Variants in GPC5 observed in about 807,000 individuals in gnomAD.
GPC5 encodes the protein glypican-5.
A neutral mutation model predicts 53.9 loss-of-function variants in GPC5; 47 were observed. The observed-to-expected ratio is 0.87, with a 90% CI of 0.69 to 1.11. GPC5 has a LOEUF of 1.11. Among genes scored for constraint, GPC5 ranks in the 50% most tolerant of loss-of-function variants. The probability of loss-of-function intolerance (pLI) is 0.00; values close to 1 mark genes in which losing one functional copy is unlikely to be tolerated. For missense variants in GPC5, 748 were observed against 713.1 expected (o/e 1.05, Z -0.56); for synonymous variants, 286 against 263.3 (o/e 1.09, Z -0.84).
intron 7 of GPC5, among the ~76,000 whole-genome samples, chr13:92,257,897 T>C (rs2042739216): frequency 6.6e-6 from 1 of 152,234 alleles, no homozygotes; most frequent in South Asian, 2.1e-4. Context: ...AACTCATGAA[T>C]GAAGTGAACT....
chr13:91,883,352 A>C (rs1175789522), intron 5 of GPC5, among the ~76,000 whole-genome samples: 17 of 152,236 alleles, frequency 1.1e-4, no homozygotes, highest in Non-Finnish European at 2.5e-4. Flanking sequence ...TGATTGTAGC[A>C]GTCACAAGCA....
chr13:91,929,157 A>G (rs576933784), intron 6 of GPC5, among the ~76,000 whole-genome samples: 1 of 152,074 alleles, frequency 6.6e-6, no homozygotes, highest in Non-Finnish European at 1.5e-5. Context: ...ATAATTTTAA[A>G]TATTATTCTT....
intron 2 of GPC5, among the ~76,000 whole-genome samples, chr13:91,615,194 C>T (rs533746903): frequency 3.2e-4 from 49 of 152,094 alleles, no homozygotes; most frequent in Non-Finnish European, 6.9e-4. Context: ...TTCTTTCTCT[C>T]GTAAGAGTCT....
rs188780583 is a variant in GPC5 at position 91,996,381 on chromosome 13, T to C, written c.1401+88324T>C. 52 of 152,366 alleles carry C rather than the reference T, an allele frequency of 3.4e-4. 1 individual carries two copies. The highest frequency in any genetic ancestry group is 1.2e-3 in the African/African-American group (50 of 41,594). The allele number at this position is 152,366 out of a possible 1,614,324, so 9.4% of individuals were successfully genotyped here. A position where few individuals can be genotyped will look rare whatever the true frequency, so the allele number is the denominator to read the frequency against. ...GGTGGCCATATTCTAGTTGCTACAA[T>C]GCAAGAGAATCTATTTGTGCAGAAC... On this transcript the variant is annotated intron_variant, in intron 6 of 7. Transcript: ENST00000377067.
intron 7 of GPC5, among the ~76,000 whole-genome samples, chr13:92,698,645 T>C (rs1887635739): frequency 1.3e-5 from 2 of 152,218 alleles, no homozygotes; most frequent in Non-Finnish European, 2.9e-5. Context: ...TGTGTCTTTA[T>C]AGCAGCATGA....
rs142936383 is a variant in GPC5, at chr13:92,185,620, T to C, written c.1561+40631T>C. Reference sequence around the variant, plus strand: ...TTGAGCTCACAGAACCAGAAAATAATCTTATGATTTGGTTTTAATAATATA... The same window carrying C: ...TTGAGCTCACAGAACCAGAAAATAACCTTATGATTTGGTTTTAATAATATA... On this transcript the variant is annotated intron_variant, in intron 7 of 7. Transcript: ENST00000377067. Among the ~76,000 whole-genome samples the C allele has an allele frequency of 5.2e-3, 789 of 152,254 alleles. 2 individuals are homozygous for C. Among genetic ancestry groups the C allele is most frequent in the Non-Finnish European group, 8.8e-3 (598 of 68,002 alleles).
At chr13:91,978,662 C>T (rs555666349) in intron 6 of GPC5, among the ~76,000 whole-genome samples, 2 of 152,274 alleles carry the variant, frequency 1.3e-5, no homozygotes, top group African/African-American at 4.8e-5. Context: ...GACAGTTCAA[C>T]CACAGCCAGT....
chr13:91,475,924 A>G (rs982218072), intron 2 of GPC5, among the ~76,000 whole-genome samples: 2 of 152,222 alleles, frequency 1.3e-5, no homozygotes, highest in African/African-American at 4.8e-5. Flanking sequence ...AATCTGCCAC[A>G]TAAGAAATGT....
chr13:91,511,854 A>T (rs936105002), intron 2 of GPC5, among the ~76,000 whole-genome samples: 4 of 152,198 alleles, frequency 2.6e-5, no homozygotes, highest in Non-Finnish European at 4.4e-5. Flanking sequence ...TCTATGGACT[A>T]TATACTTGGA....
At chr13:91,402,959 C>T (rs1484146731) in intron 1 of GPC5, among the ~76,000 whole-genome samples, 1 of 152,212 alleles carries the variant, frequency 6.6e-6, no homozygotes, top group Non-Finnish European at 1.5e-5. Flanking sequence ...ATGCCCATAA[C>T]CACTGTCTCC....
intron 7 of GPC5, among the ~76,000 whole-genome samples, chr13:92,771,650 A>T (rs1280441078): frequency 6.6e-6 from 1 of 152,068 alleles, no homozygotes. Context: ...GCCCTTATCC[A>T]GTTTTTCTAA....
intron 6 of GPC5, among the ~76,000 whole-genome samples, chr13:92,109,061 G>GTT (rs35762919): frequency 0.051 from 4,431 of 87,320 alleles, 175 homozygotes; most frequent in African/African-American, 0.06. Flanking sequence ...CAATATGTTG[G>GTT]TTTTTTTTTT....
At chr13:91,404,279 A>G (rs893556569) in intron 1 of GPC5, among the ~76,000 whole-genome samples, 1 of 152,214 alleles carries the variant, frequency 6.6e-6, no homozygotes, top group African/African-American at 2.4e-5. Flanking sequence ...CTAAACAGAC[A>G]TAATTTATAG....
intron 7 of GPC5, among the ~76,000 whole-genome samples, chr13:92,476,071 C>A (rs566612764): frequency 6.6e-6 from 1 of 152,190 alleles, no homozygotes; most frequent in African/African-American, 2.4e-5. Flanking sequence ...AGAGCTTCTG[C>A]ACAGCAAAAG....
chr13:91,934,863 A>G (rs2039855194), intron 6 of GPC5, among the ~76,000 whole-genome samples: 1 of 151,970 alleles, frequency 6.6e-6, no homozygotes, highest in South Asian at 2.1e-4. Context: ...ACCAACATTG[A>G]CCACAAGACA....
chr13:92,638,845 T>C (rs1485800470), intron 7 of GPC5, among the ~76,000 whole-genome samples: 1 of 152,224 alleles, frequency 6.6e-6, no homozygotes. Flanking sequence ...ATCTCAGCAA[T>C]TTCTAGGCAC....
At chr13:91,592,761 G>C (rs1034565576) in intron 2 of GPC5, among the ~76,000 whole-genome samples, 1 of 152,174 alleles carries the variant, frequency 6.6e-6, no homozygotes, top group African/African-American at 2.4e-5. Context: ...ACATAATCAG[G>C]TGCAGGAAAG....
At chr13:91,741,612 G>A (rs1445186030) in intron 4 of GPC5, among the ~76,000 whole-genome samples, 1 of 152,106 alleles carries the variant, frequency 6.6e-6, no homozygotes, top group African/African-American at 2.4e-5. Context: ...AGTTTAAAAT[G>A]CATAGAGTTT....
chr13:92,527,215 AAGAAAGAAAG>A (rs1295634286), intron 7 of GPC5, among the ~76,000 whole-genome samples: 3 of 37,708 alleles, frequency 8.0e-5, no homozygotes, highest in Admixed American at 3.4e-4. Context: ...GAAAGAAAGA[AAGAAAGAAAG>A]AAAGAAAGAA....
Sources: gnomAD v4.1 joint callset for allele counts (sites outside exome capture counted in the v4.1 genomes callset) on GRCh38, gnomAD v4.1.1 for gene constraint, MANE v1.5 for transcripts, NCBI Gene and HGNC (gene_info 2026-07-23, HGNC 2026-07-21) for gene names.